The following MORC3 variants were observed in gnomAD, a reference collection of about 807,000 sequenced individuals.
The protein encoded by MORC3 is MORC family CW-type zinc finger 3.
MORC3 carries 31 observed loss-of-function variants against 109.1 expected under a neutral mutation model. The observed-to-expected ratio is 0.28, with a 90% CI of 0.21 to 0.38. The LOEUF (loss-of-function observed/expected upper bound fraction) is 0.38, where lower values mean the gene tolerates loss of function less well. Ranked by LOEUF, MORC3 falls within the 10% of genes least tolerant of loss-of-function variation. The pLI is 1.00. For synonymous variants in MORC3, 395 were observed against 380.7 expected (o/e 1.04, Z -0.44); for missense variants, 867 against 1,135.8 (o/e 0.76, Z 3.40).
At chr21:36,342,664 A>G (rs1377128792) in intron 6 of MORC3, among the ~76,000 whole-genome samples, 1 of 151,990 alleles carries the variant, frequency 6.6e-6, no homozygotes, top group East Asian at 2.0e-4. Context: ...TCAGCCTCCC[A>G]AAGTGCTGGG....
chr21:36,321,991 A>G (rs1047162784), intron 1 of MORC3, among the ~76,000 whole-genome samples: 3 of 152,130 alleles, frequency 2.0e-5, no homozygotes, highest in Admixed American at 2.0e-4. Flanking sequence ...TGTGGGTAAT[A>G]TGGGCTGTTG....
At chr21:36,368,890 A>C in intron 14 of MORC3, 98 bp from the exon 15 acceptor site, 1 of 1,213,588 alleles carries the variant, frequency 8.2e-7, no homozygotes, top group Non-Finnish European at 1.1e-6. Context: ...AAACAAAAAA[A>C]CTGTTACAAT....
intron 9 of MORC3, among the ~76,000 whole-genome samples, chr21:36,352,954 G>C (rs560962377): frequency 6.8e-6 from 1 of 146,342 alleles, no homozygotes; most frequent in African/African-American, 2.5e-5. Flanking sequence ...CAGGGTGACA[G>C]AGCAAGACCT....
At chr21:36,345,230 C>T (rs567487173) in intron 8 of MORC3, among the ~76,000 whole-genome samples, 199 bp downstream of exon 8, 1 of 147,960 alleles carries the variant, frequency 6.8e-6, no homozygotes, top group East Asian at 2.1e-4. Flanking sequence ...CCCTCCCCTG[C>T]CCTGCCCTCT....
intron 9 of MORC3, 33 bp from the exon 10 acceptor site, chr21:36,356,587 A>G (rs1236147895): frequency 1.9e-6 from 2 of 1,063,918 alleles, no homozygotes; most frequent in Non-Finnish European, 2.5e-6. Context: ...TTTGAAAAGA[A>G]TTTTTTCTTG....
chr21:36,333,012 C>T (rs2085333554), intron 1 of MORC3, among the ~76,000 whole-genome samples: 1 of 152,126 alleles, frequency 6.6e-6, no homozygotes, highest in Non-Finnish European at 1.5e-5. Context: ...TGGTCTCGAT[C>T]TCCTGACCTC....
In MORC3 at chr21:36,338,782, A is replaced by G. The variant is rs2085402537; in HGVS notation, c.469A>G (p.Ile157Val). 1 of 1,613,120 alleles carries G rather than the reference A, an allele frequency of 6.2e-7. No individual in the cohort carries two copies. Among genetic ancestry groups the G allele is most frequent in the East Asian group, 2.2e-5 (1 of 44,856 alleles). ...IVAFNKHRQM[I>V]NLAESKASLA... ...TTTAACTTATGATATACGACAGATG[A>G]TTAATTTAGCAGAATCAAAAGCCAG... Residue 157 changes from isoleucine (I) to valine (V), a missense_variant, in exon 5 of 17, where the codon ATT becomes GTT. Ile to Val is a conservative substitution (Grantham distance 29). This residue lies in a region of MORC3 where 134 missense variants were observed against 166.6 expected (regional missense o/e 0.80). Transcript: ENST00000400485.
At chr21:36,366,968 A>C (rs2085788296) in intron 14 of MORC3, among the ~76,000 whole-genome samples, 1 of 152,182 alleles carries the variant, frequency 6.6e-6, no homozygotes, top group African/African-American at 2.4e-5. Flanking sequence ...GGTAGAAACC[A>C]GTTTACGCCA....
At chr21:36,370,067 A>G (rs1490945827) in intron 15 of MORC3, among the ~76,000 whole-genome samples, 191 bp downstream of exon 15, 3 of 152,162 alleles carry the variant, frequency 2.0e-5, no homozygotes, top group Non-Finnish European at 4.4e-5. Flanking sequence ...CCCCGTTTCT[A>G]CTAAAAATAC....
At chr21:36,325,245 A>G (rs1394070763) in intron 1 of MORC3, among the ~76,000 whole-genome samples, 1 of 152,194 alleles carries the variant, frequency 6.6e-6, no homozygotes, top group African/African-American at 2.4e-5. Context: ...AGAACAACAA[A>G]AACAAGATGC....
At chr21:36,350,381 C>G (rs1441965169) in intron 9 of MORC3, among the ~76,000 whole-genome samples, 2 of 151,452 alleles carry the variant, frequency 1.3e-5, no homozygotes, top group African/African-American at 4.9e-5. Flanking sequence ...TCGCTTGAGC[C>G]GAGGAGTTTG....
At chr21:36,364,354 G>C in intron 14 of MORC3, 95 bp downstream of exon 14, 1 of 1,317,826 alleles carries the variant, frequency 7.6e-7, no homozygotes, top group Non-Finnish European at 1.1e-6. Flanking sequence ...GATCATTGTA[G>C]GTTCCATTGT....
intron 4 of MORC3, 80 bp from the exon 5 acceptor site, chr21:36,338,694 A>G: frequency 7.7e-7 from 1 of 1,298,214 alleles, no homozygotes; most frequent in African/African-American, 1.5e-5. Flanking sequence ...TTTTTCTGTT[A>G]TTTAAGTTTA....
intron 8 of MORC3, 76 bp from the exon 9 acceptor site, chr21:36,349,235 C>G (rs1020000754): frequency 2.3e-6 from 2 of 878,438 alleles, no homozygotes; most frequent in Non-Finnish European, 3.6e-6. Flanking sequence ...AATATACAAA[C>G]TATAATTCTT....
At chr21:36,368,872 A>C in intron 14 of MORC3, 116 bp from the exon 15 acceptor site, 1 of 986,586 alleles carries the variant, frequency 1.0e-6, no homozygotes, top group Non-Finnish European at 1.5e-6. Flanking sequence ...GTGACACTCC[A>C]TCTCAAAAAA....
intron 1 of MORC3, among the ~76,000 whole-genome samples, chr21:36,325,133 G>A (rs1270243718): frequency 1.3e-5 from 2 of 152,076 alleles, no homozygotes; most frequent in Admixed American, 6.6e-5. Flanking sequence ...TTTTGTTGGG[G>A]GTGCTCTATG....
rs757858276 is a variant in MORC3, at chr21:36,337,849, T to A, written c.363T>A (p.Asn121Lys). The change falls in exon 4 of 17, where the codon AAT becomes AAA. Residue 121 changes from asparagine (N) to lysine (K), a missense_variant. Physicochemically the swap from Asn to Lys is moderately conservative, Grantham distance 94. This residue lies in a region of MORC3 where 134 missense variants were observed against 166.6 expected (regional missense o/e 0.80). Transcript: ENST00000400485. ...AAGACGCAATCGTTTTTACCAAAAA[T>A]GGAGAAAGCATGAGCGTGGGCCTTT... ...LGKDAIVFTKNGESMSVGLLS... is the reference protein window; with the variant it reads ...LGKDAIVFTKKGESMSVGLLS... 13 of 1,614,054 alleles carry A rather than the reference T, an allele frequency of 8.1e-6. No individual in the cohort carries two copies. Among genetic ancestry groups the A allele is most frequent in the African/African-American group, 1.3e-5 (1 of 74,926 alleles).
intron 1 of MORC3, among the ~76,000 whole-genome samples, chr21:36,325,657 C>G (rs1389123675): frequency 1.3e-5 from 2 of 152,230 alleles, no homozygotes; most frequent in Non-Finnish European, 2.9e-5. Flanking sequence ...AGGAATTTGA[C>G]TACGGTAGTC....
chr21:36,347,605 A>T (rs2085523888), intron 8 of MORC3, among the ~76,000 whole-genome samples: 1 of 152,220 alleles, frequency 6.6e-6, no homozygotes, highest in African/African-American at 2.4e-5. Flanking sequence ...GGTGCTCAGC[A>T]TAAAAAGTTG....
Sources: gnomAD v4.1 joint callset for allele counts (sites outside exome capture counted in the v4.1 genomes callset) on GRCh38, gnomAD v4.1.1 for gene constraint, gnomAD v4.1.1 regional missense constraint, MANE v1.5 for transcripts, NCBI Gene and HGNC (gene_info 2026-07-23, HGNC 2026-07-21) for gene names.